SPTBN1: variants seen among roughly 807,000 people sequenced by gnomAD.
SPTBN1 encodes spectrin beta chain, non-erythrocytic 1.
SPTBN1 carries 32 observed loss-of-function variants against 266.4 expected under a neutral mutation model. The ratio of observed to expected loss-of-function variants is 0.12; its 90% CI spans 0.09 to 0.16. The LOEUF (loss-of-function observed/expected upper bound fraction) is 0.16, where lower values mean the gene tolerates loss of function less well. SPTBN1 is among the 10% of genes least tolerant of loss of function. The pLI is 1.00. For synonymous variants in SPTBN1, 1,336 were observed against 1,162.2 expected (o/e 1.15, Z -3.04); for missense variants, 2,296 against 3,067.1 (o/e 0.75, Z 5.94).
At chr2:54,502,211 T>C (rs1265900575) in intron 1 of SPTBN1, among the ~76,000 whole-genome samples, 2 of 152,160 alleles carry the variant, frequency 1.3e-5, no homozygotes, top group Non-Finnish European at 2.9e-5. Context: ...AGTTTCTGCT[T>C]TCTAGCCCCA....
rs372880456 is a variant in SPTBN1 at position 54,533,922 on chromosome 2, A to G, written c.148+7356A>G. Among the ~76,000 whole-genome samples the G allele has an allele frequency of 7.3e-6, 1 of 137,358 alleles. No individual in the cohort carries two copies. Among genetic ancestry groups the G allele is most frequent in the African/African-American group, 2.8e-5 (1 of 35,298 alleles). 90.1% of individuals were successfully genotyped at this position (137,358 alleles called of 152,430 possible). On this transcript the variant is annotated intron_variant, in intron 2 of 35. Coordinates refer to ENST00000356805, the MANE Select transcript of SPTBN1 (RefSeq NM_003128.3). This position sits in a 1 kb window ranked among gnomAD's most constrained non-coding sequence, Gnocchi z 4.2. ...CTCTCACACACACACACACACACAC[A>G]CACACGCACGCACGCACACAAACAC...
Position 54,649,928 on chromosome 2 carries a change from T to G in SPTBN1, c.5516T>G (p.Val1839Gly). 1 of 1,614,186 alleles carries G rather than the reference T, an allele frequency of 6.2e-7. No individual in the cohort carries two copies. The highest frequency in any genetic ancestry group is 8.5e-7 in the Non-Finnish European group (1 of 1,180,032). ...GAGCTTGGGAGAGATCAGAACACAG[T>G]GGAGACCTTACAGAGAATGCACACT... ...PEELGRDQNT[V>G]ETLQRMHTTF... Residue 1839 changes from valine to glycine, a missense_variant, in exon 26 of 36, where the codon GTG (valine) becomes GGG (glycine). Coordinates refer to ENST00000356805, the MANE Select transcript of SPTBN1 (RefSeq NM_003128.3). This position sits in a 1 kb window ranked among gnomAD's most constrained non-coding sequence, Gnocchi z 6.7.
chr2:54,657,818 C>G (rs1680776154), intron 29 of SPTBN1, 32 bp from the exon 30 acceptor site: 6 of 1,613,472 alleles, frequency 3.7e-6, no homozygotes, highest in Admixed American at 3.3e-5. Flanking sequence ...ACCTCCTGGT[C>G]AACGTGTACT....
intron 4 of SPTBN1, among the ~76,000 whole-genome samples, chr2:54,615,205 C>G (rs1454610522): frequency 1.3e-5 from 2 of 152,018 alleles, no homozygotes; most frequent in Non-Finnish European, 2.9e-5. Context: ...ACTTTTTAAT[C>G]CTGTATTTAT....
chr2:54,616,384 A>G (rs1677610170), intron 5 of SPTBN1, 86 bp downstream of exon 5: 3 of 1,173,650 alleles, frequency 2.6e-6, no homozygotes, highest in African/African-American at 3.1e-5. Context: ...GTTGACAGGT[A>G]TCTTTTCCAC....
intron 16 of SPTBN1, among the ~76,000 whole-genome samples, chr2:54,632,349 A>G (rs1428400769): frequency 1.3e-5 from 2 of 151,842 alleles, no homozygotes; most frequent in East Asian, 3.9e-4. Flanking sequence ...CTCTCTTTGG[A>G]AAAAAAAATT....
chr2:54,470,036 G>A (rs996534925), intron 1 of SPTBN1, among the ~76,000 whole-genome samples: 6 of 152,166 alleles, frequency 3.9e-5, no homozygotes, highest in Admixed American at 2.0e-4. Flanking sequence ...CAGGGCTAAA[G>A]GAAATCCCGA....
chr2:54,539,010 G>T (rs1049328736), intron 2 of SPTBN1, among the ~76,000 whole-genome samples: 4 of 152,082 alleles, frequency 2.6e-5, no homozygotes, highest in African/African-American at 9.7e-5. Context: ...TGCCTGTATG[G>T]TTCACAGTAA....
intron 1 of SPTBN1, among the ~76,000 whole-genome samples, chr2:54,495,322 A>T (rs1340468185): frequency 6.6e-6 from 1 of 152,156 alleles, no homozygotes; most frequent in Non-Finnish European, 1.5e-5. Context: ...AGAGGCAGGA[A>T]TCCCAGGTTC....
intron 1 of SPTBN1, among the ~76,000 whole-genome samples, chr2:54,520,704 T>C (rs913661251): frequency 6.5e-5 from 8 of 122,296 alleles, no homozygotes; most frequent in African/African-American, 1.9e-4. Context: ...GGAAAGTAGA[T>C]AGGCACTTTC....
chr2:54,512,738 T>G (rs1669922852), intron 1 of SPTBN1, among the ~76,000 whole-genome samples: 1 of 152,186 alleles, frequency 6.6e-6, no homozygotes, highest in Non-Finnish European at 1.5e-5. Flanking sequence ...ACAATGAGAA[T>G]TTTACTGGGA....
At chr2:54,563,463 G>T (rs948781073) in intron 2 of SPTBN1, among the ~76,000 whole-genome samples, 8 of 152,068 alleles carry the variant, frequency 5.3e-5, no homozygotes, top group Non-Finnish European at 1.5e-5. Flanking sequence ...TTCAGGTCAT[G>T]AAATGCATTA....
chr2:54,643,259 A>G, intron 19 of SPTBN1, 130 bp downstream of exon 19: 1 of 1,348,256 alleles, frequency 7.4e-7, no homozygotes, highest in Non-Finnish European at 1.0e-6. Flanking sequence ...ACAGCCAGTA[A>G]TAGCTCCCTT....
chr2:54,529,390 T>C, intron 2 of SPTBN1: 2 of 681,612 alleles, frequency 2.9e-6, no homozygotes, highest in South Asian at 2.8e-5. Context: ...CGCCTAAAGC[T>C]GAAGCCAAAG....
intron 1 of SPTBN1, among the ~76,000 whole-genome samples, chr2:54,465,668 A>C (rs937939798): frequency 5.8e-5 from 8 of 137,956 alleles, no homozygotes; most frequent in South Asian, 4.7e-4. Flanking sequence ...ATATATATAT[A>C]TCTCACACAT....
At chr2:54,522,073 T>A (rs984104150) in intron 1 of SPTBN1, among the ~76,000 whole-genome samples, 1 of 151,366 alleles carries the variant, frequency 6.6e-6, no homozygotes, top group African/African-American at 2.4e-5. Context: ...ATTTTTTTTT[T>A]TTATTTTTGT....
At chr2:54,594,706 T>C (rs1250303694) in intron 2 of SPTBN1, among the ~76,000 whole-genome samples, 1 of 152,200 alleles carries the variant, frequency 6.6e-6, no homozygotes, top group East Asian at 1.9e-4. Flanking sequence ...TTCCTCATAT[T>C]CTGGGATTTT....
rs1676300301 is a variant in SPTBN1 at position 54,599,078 on chromosome 2, TTC to T, written c.149-10_149-9del. On this transcript the variant is annotated splice_polypyrimidine_tract_variant and intron_variant, in intron 2 of 35. Coordinates refer to ENST00000356805, the MANE Select transcript of SPTBN1 (RefSeq NM_003128.3). The stretch of plus-strand genomic sequence containing the variant: ...CTGTGGTCAATGGTAAAACAAGTTC[TTC>T]TCTGCTTGCAGATGAGCGTGAAGCC... 1.2e-6 allele frequency: 2 copies of T among 1,613,376 alleles called. No homozygotes were observed. The highest frequency in any genetic ancestry group is 1.7e-6 in the Non-Finnish European group (2 of 1,179,662).
At chr2:54,603,270 T>TG (rs5831315) in intron 3 of SPTBN1, among the ~76,000 whole-genome samples, 44,015 of 152,018 alleles carry the variant, frequency 0.29, 7,895 homozygotes, top group Admixed American at 0.37. Context: ...AGAGAGCATT[T>TG]GGAGGTAGCA....
Sources: allele counts gnomAD v4.1 joint callset (sites outside exome capture counted in the v4.1 genomes callset), GRCh38; gene constraint gnomAD v4.1.1; non-coding constraint Gnocchi (gnomAD v3.1); transcripts MANE v1.5; gene names NCBI Gene and HGNC (gene_info 2026-07-23, HGNC 2026-07-21).